PHACTR2: variants seen among roughly 807,000 people sequenced by gnomAD.
PHACTR2 encodes the protein phosphatase and actin regulator 2.
Under a neutral mutation model 76.0 loss-of-function variants are expected in PHACTR2, and 30 were observed. The ratio of observed to expected loss-of-function variants is 0.39; its 90% CI spans 0.30 to 0.54. PHACTR2 has a LOEUF of 0.54. PHACTR2 is among the 20% of genes least tolerant of loss of function. The pLI is 0.61. For missense variants in PHACTR2, 696 were observed against 781.1 expected (o/e 0.89, Z 1.30); for synonymous variants, 292 against 292.5 (o/e 1.00, Z 0.02).
intron 1 of PHACTR2, among the ~76,000 whole-genome samples, chr6:143,705,395 C>T (rs1178620100): frequency 6.7e-5 from 10 of 148,772 alleles, no homozygotes; most frequent in East Asian, 2.0e-4. Flanking sequence ...CCCGGGTTCA[C>T]GCCATTCTCC....
At chr6:143,788,958 G>A in intron 11 of PHACTR2, 48 bp downstream of exon 11, 1 of 1,558,472 alleles carries the variant, frequency 6.4e-7, no homozygotes, top group Non-Finnish European at 8.8e-7. Context: ...TTTTCTGGAA[G>A]CTCCAATATC....
At chr6:143,579,670 G>A (rs1011345823) in intron 1 of PHACTR2, among the ~76,000 whole-genome samples, 8 of 152,090 alleles carry the variant, frequency 5.3e-5, no homozygotes, top group African/African-American at 1.9e-4. Context: ...TTCTGCAGAT[G>A]GTGGCCTGGA....
In PHACTR2 at chr6:143,578,933, T is replaced by C. The variant is rs73586298; in HGVS notation, c.217+41726T>C. On this transcript the variant is annotated intron_variant, in intron 1 of 11. Coordinates refer to the PHACTR2 transcript ENST00000367584. This position sits in a 1 kb window ranked among gnomAD's most constrained non-coding sequence, Gnocchi z 4.5. ...TTTTTTTTGTTGTTGAGACAGGATC[T>C]TGTTCTGGCACCCAGGCTGGAGTGC... is the stretch of plus-strand genomic sequence containing the variant. Among the ~76,000 whole-genome samples, 3,086 of 152,192 alleles carry C rather than the reference T, an allele frequency of 0.02. 104 individuals carry two copies. The highest frequency in any genetic ancestry group is 0.071 in the African/African-American group (2,937 of 41,494).
chr6:143,778,909 G>A (rs115821293), intron 9 of PHACTR2, among the ~76,000 whole-genome samples: 227 of 152,282 alleles, frequency 1.5e-3, no homozygotes, highest in African/African-American at 4.9e-3. Context: ...GAAACTTACC[G>A]CGTGTTGATC....
At chr6:143,608,008 C>T (rs1437638888), upstream of PHACTR2, among the ~76,000 whole-genome samples, 4 of 152,174 alleles carry the variant, frequency 2.6e-5, no homozygotes, top group Non-Finnish European at 5.9e-5. The surrounding 1 kb of genome is among the most constrained non-coding windows in gnomAD (Gnocchi z 4.6). Context: ...GCAACACATT[C>T]AACATTGCAG....
chr6:143,670,177 G>C (rs7762598), intron 1 of PHACTR2, among the ~76,000 whole-genome samples: 81,047 of 152,016 alleles, frequency 0.53, 22,129 homozygotes, highest in African/African-American at 0.67. Flanking sequence ...GGCCCCCACT[G>C]TCCTCTGGCT....
rs938886289 is a variant in PHACTR2, at chr6:143,548,431, C to T, written c.217+11224C>T. On this transcript the variant is annotated intron_variant, in intron 1 of 11. Coordinates refer to the PHACTR2 transcript ENST00000367584. This position sits in a 1 kb window ranked among gnomAD's most constrained non-coding sequence, Gnocchi z 4.5. ...CAACCGTCCATCCTTCTGTCTTTCCCTCCCTCCCAGACTTCTCTGATGCTG... is the reference window on the plus strand; with the variant it reads ...CAACCGTCCATCCTTCTGTCTTTCCTTCCCTCCCAGACTTCTCTGATGCTG... 6.6e-6 allele frequency among the ~76,000 whole-genome samples: 1 copy of T among 152,064 alleles called. No individual in the cohort carries two copies. Among genetic ancestry groups the T allele is most frequent in the Non-Finnish European group, 1.5e-5 (1 of 67,982 alleles).
Position 143,820,404 on chromosome 6 carries a change from G to A in PHACTR2, c.1923-3270G>A, listed in dbSNP as rs184658748. Among the ~76,000 whole-genome samples the A allele has an allele frequency of 6.6e-6, 1 of 152,220 alleles. No homozygotes were observed. Among genetic ancestry groups the A allele is most frequent in the East Asian group, 1.9e-4 (1 of 5,178 alleles). Reference sequence around the variant, plus strand: ...ACAAGTAAGTTATTTCCAAGATATGGTGGAGATCTATACTGGGTAAACATT... The same window carrying A: ...ACAAGTAAGTTATTTCCAAGATATGATGGAGATCTATACTGGGTAAACATT... On this transcript the variant is annotated intron_variant, in intron 12 of 12. Coordinates refer to ENST00000440869, the MANE Select transcript of PHACTR2 (RefSeq NM_001100164.2). The surrounding 1 kb of genome is among the most constrained non-coding windows in gnomAD (Gnocchi z 4.2).
In PHACTR2 at chr6:143,652,491, A is replaced by G. The variant is rs7764549; in HGVS notation, c.13+44169A>G. On this transcript the variant is annotated intron_variant, in intron 1 of 11. Coordinates refer to the PHACTR2 transcript ENST00000305766. The surrounding 1 kb of genome is among the most constrained non-coding windows in gnomAD (Gnocchi z 4.5). ...GCATTACTTAAATGAGAATCTCTTC[A>G]AAGTGATGCACGCTGTGTTTTTCCC... Among the ~76,000 whole-genome samples the G allele has an allele frequency of 0.46, 70,549 of 152,064 alleles. 16,355 individuals carry two copies. Among genetic ancestry groups the G allele is most frequent in the South Asian group, 0.58 (2,822 of 4,828 alleles).
rs1776774408 is a variant in PHACTR2 at position 143,652,179 on chromosome 6, G to T, written c.13+43857G>T. Among the ~76,000 whole-genome samples, 1 of 151,912 alleles carries T rather than the reference G, an allele frequency of 6.6e-6. No individual in the cohort carries two copies. Among genetic ancestry groups the T allele is most frequent in the African/African-American group, 2.4e-5 (1 of 41,368 alleles). ...CAACCACAAGATATTTGGTCAAAAA[G>T]GATTGAAAGCCACTACTTGCTTTCA... On this transcript the variant is annotated intron_variant, in intron 1 of 11. Coordinates refer to the PHACTR2 transcript ENST00000305766. The surrounding 1 kb of genome is among the most constrained non-coding windows in gnomAD (Gnocchi z 4.5).
chr6:143,746,868 C>T (rs1318687867), intron 2 of PHACTR2, among the ~76,000 whole-genome samples: 1 of 150,516 alleles, frequency 6.6e-6, no homozygotes. Flanking sequence ...GCCCGGTTAA[C>T]TTTTTTCATT....
chr6:143,648,678 G>A lies in PHACTR2; in HGVS notation c.13+40356G>A, dbSNP rs930252865. Among the ~76,000 whole-genome samples the A allele has an allele frequency of 2.0e-5, 3 of 152,110 alleles. No homozygotes were observed. The highest frequency in any genetic ancestry group is 2.0e-4 in the Admixed American group (3 of 15,266). ...TGTAAATGTGGCATGCTAGCATAGG[G>A]GAAAGTGTAATTCAGACAGGCAGAC... On this transcript the variant is annotated intron_variant, in intron 1 of 11. Coordinates refer to the PHACTR2 transcript ENST00000305766. The surrounding 1 kb of genome is among the most constrained non-coding windows in gnomAD (Gnocchi z 6.7).
rs1474552079 is a variant in PHACTR2, at chr6:143,776,392, A to T, written c.1590-936A>T. On this transcript the variant is annotated intron_variant, in intron 8 of 12. Transcript: ENST00000440869. This position sits in a 1 kb window ranked among gnomAD's most constrained non-coding sequence, Gnocchi z 5.3. ...TTTCAGCAGGTTTGCTTGATGTAAGATTAACCTATAAAAATCAACATTATG... is the reference window on the plus strand; with the variant it reads ...TTTCAGCAGGTTTGCTTGATGTAAGTTTAACCTATAAAAATCAACATTATG... Among the ~76,000 whole-genome samples, 1 of 152,240 alleles carries T rather than the reference A, an allele frequency of 6.6e-6. No homozygotes were observed. The highest frequency in any genetic ancestry group is 1.5e-5 in the Non-Finnish European group (1 of 68,042).
intron 2 of PHACTR2, among the ~76,000 whole-genome samples, chr6:143,745,772 C>T (rs1458898057): frequency 6.6e-6 from 1 of 152,226 alleles, no homozygotes. Context: ...GTGTTAAATA[C>T]GCTCTCAGCG....
At chr6:143,699,716 A>G (rs1316236100) in intron 1 of PHACTR2, among the ~76,000 whole-genome samples, 1 of 152,190 alleles carries the variant, frequency 6.6e-6, no homozygotes, top group African/African-American at 2.4e-5. Flanking sequence ...GGTTCAGGCC[A>G]TGGAGTTCTC....
Position 143,793,614 on chromosome 6 carries a change from G to A in PHACTR2, c.1845+4704G>A, listed in dbSNP as rs2128480702. Among the ~76,000 whole-genome samples the A allele has an allele frequency of 1.3e-5, 2 of 152,118 alleles. 1 individual carries two copies. Among genetic ancestry groups the A allele is most frequent in the South Asian group, 4.2e-4 (2 of 4,818 alleles). ...TAAGAGGTAGAATTTCTTTTAAATAGAAAAAATATTGGCCAGGCATGGTGG... is the reference window on the plus strand; with the variant it reads ...TAAGAGGTAGAATTTCTTTTAAATAAAAAAAATATTGGCCAGGCATGGTGG... On this transcript the variant is annotated intron_variant, in intron 11 of 12. Coordinates refer to ENST00000440869, the MANE Select transcript of PHACTR2 (RefSeq NM_001100164.2). This position sits in a 1 kb window ranked among gnomAD's most constrained non-coding sequence, Gnocchi z 4.4.
rs1205266128 is a variant in PHACTR2 at position 143,679,483 on chromosome 6, G to A, written c.46+1274G>A. On this transcript the variant is annotated intron_variant, in intron 1 of 12. Coordinates refer to ENST00000440869, the MANE Select transcript of PHACTR2 (RefSeq NM_001100164.2). The surrounding 1 kb of genome is among the most constrained non-coding windows in gnomAD (Gnocchi z 4.6). Reference sequence around the variant, plus strand: ...AAACTATTTTGTGCAAATAAGACTTGGTTTCCTTTGTCTTACCTTAAAGTG... The same window carrying A: ...AAACTATTTTGTGCAAATAAGACTTAGTTTCCTTTGTCTTACCTTAAAGTG... Among the ~76,000 whole-genome samples the A allele has an allele frequency of 6.6e-6, 1 of 152,042 alleles. No individual in the cohort carries two copies. The highest frequency in any genetic ancestry group is 1.5e-5 in the Non-Finnish European group (1 of 68,014).
intron 1 of PHACTR2, among the ~76,000 whole-genome samples, chr6:143,632,797 C>T (rs1353372275): frequency 6.6e-6 from 1 of 152,192 alleles, no homozygotes; most frequent in African/African-American, 2.4e-5. Context: ...CAACCACTGA[C>T]CTTTTTACTG....
intron 1 of PHACTR2, among the ~76,000 whole-genome samples, chr6:143,568,700 T>G (rs1775397318): frequency 6.6e-6 from 1 of 152,244 alleles, no homozygotes; most frequent in South Asian, 2.1e-4. Context: ...TGAAATTTTC[T>G]TAGTCTTCCC....
Sources: gnomAD v4.1 joint callset for allele counts (sites outside exome capture counted in the v4.1 genomes callset) on GRCh38, gnomAD v4.1.1 for gene constraint, Gnocchi (gnomAD v3.1) non-coding constraint, MANE v1.5 for transcripts, NCBI Gene and HGNC (gene_info 2026-07-23, HGNC 2026-07-21) for gene names.